The following PCDH15 variants were observed in gnomAD, a reference collection of about 807,000 sequenced individuals.
PCDH15 encodes the protein protocadherin-15.
A neutral mutation model predicts 178.5 loss-of-function variants in PCDH15; 129 were observed. The observed-to-expected ratio is 0.72, with a 90% CI of 0.63 to 0.84. PCDH15 has a LOEUF of 0.84. Among genes scored for constraint, PCDH15 ranks in the 40% least tolerant of loss-of-function variants. The pLI, the probability that PCDH15 is intolerant of heterozygous loss-of-function variation, is 0.00. For missense variants in PCDH15, 2,230 were observed against 2,099.9 expected (o/e 1.06, Z -1.21); for synonymous variants, 800 against 732.0 (o/e 1.09, Z -1.50).
intron 2 of PCDH15, among the ~76,000 whole-genome samples, chr10:54,903,102 A>G (rs907925873): frequency 6.6e-6 from 1 of 152,164 alleles, no homozygotes; most frequent in African/African-American, 2.4e-5. Flanking sequence ...CTTTACTCAA[A>G]TGCAGAAAAG....
At chr10:54,873,546 G>A (rs1462517285) in intron 3 of PCDH15, among the ~76,000 whole-genome samples, 1 of 110,212 alleles carries the variant, frequency 9.1e-6, no homozygotes, top group Non-Finnish European at 1.8e-5. Flanking sequence ...ATATATGTAT[G>A]TGTATACATA....
intron 2 of PCDH15, among the ~76,000 whole-genome samples, chr10:54,949,865 C>T (rs1415631758): frequency 1.3e-5 from 2 of 151,926 alleles, no homozygotes; most frequent in Non-Finnish European, 2.9e-5. Context: ...CCAACAAATT[C>T]CTCATCTCTA....
At chr10:54,873,055 A>G (rs758819280) in intron 3 of PCDH15, among the ~76,000 whole-genome samples, 15 of 152,162 alleles carry the variant, frequency 9.9e-5, no homozygotes, top group Non-Finnish European at 1.9e-4. Flanking sequence ...GACGAATTCC[A>G]TAAGTTACAC....
chr10:55,212,075 A>G (rs1470074837), intron 1 of PCDH15, among the ~76,000 whole-genome samples: 1 of 152,106 alleles, frequency 6.6e-6, no homozygotes, highest in Non-Finnish European at 1.5e-5. Context: ...CATATCCAAC[A>G]TGGAGGCTCC....
chr10:54,693,919 A>T (rs1443003904), intron 1 of PCDH15, among the ~76,000 whole-genome samples: 2 of 152,136 alleles, frequency 1.3e-5, no homozygotes, highest in Non-Finnish European at 2.9e-5. Context: ...AAAATAGTGT[A>T]GTTCTTTTTT....
rs538349268 is a variant in PCDH15 at position 53,829,661 on chromosome 10, T to C, written c.4203-1088A>G. On this transcript the variant is annotated intron_variant, in intron 30 of 37. Coordinates refer to ENST00000644397, the MANE Select transcript of PCDH15 (RefSeq NM_001384140.1). ...AGCTCCAGTATATCAACCTTAATGCTGTATTTGCAACTTCACATTGCTTTT... is the reference window on the plus strand; with the variant it reads ...AGCTCCAGTATATCAACCTTAATGCCGTATTTGCAACTTCACATTGCTTTT... Among the ~76,000 whole-genome samples, 87 of 152,312 alleles carry C rather than the reference T, an allele frequency of 5.7e-4. 3 individuals carry two copies. The South Asian group carries it at 0.016, about 29-fold the overall frequency.
chr10:54,664,428 A>G (rs773408236), intron 1 of PCDH15, 138 bp from the exon 2 acceptor site: 17 of 650,632 alleles, frequency 2.6e-5, no homozygotes, highest in Non-Finnish European at 4.1e-5. Context: ...TAACAAAGTA[A>G]CACACTGGTT....
At chr10:55,135,849 G>T (rs1197703583) in intron 2 of PCDH15, among the ~76,000 whole-genome samples, 1 of 151,992 alleles carries the variant, frequency 6.6e-6, no homozygotes, top group Non-Finnish European at 1.5e-5. Context: ...CTCCCAAAGT[G>T]CTGGGATTAC....
At chr10:54,653,190 C>T (rs557587917) in intron 2 of PCDH15, among the ~76,000 whole-genome samples, 1 of 152,234 alleles carries the variant, frequency 6.6e-6, no homozygotes, top group Admixed American at 6.5e-5. Context: ...GCTCATTCAT[C>T]TAACACGGTT....
chr10:54,730,782 C>T (rs1050836072), intron 1 of PCDH15, among the ~76,000 whole-genome samples: 3 of 151,298 alleles, frequency 2.0e-5, no homozygotes, highest in African/African-American at 7.3e-5. Flanking sequence ...TAAATTTAAA[C>T]CTGAAACTAT....
intron 24 of PCDH15, 44 bp downstream of exon 24, chr10:53,940,822 G>C (rs1191857496): frequency 1.4e-6 from 2 of 1,387,796 alleles, no homozygotes; most frequent in Non-Finnish European, 2.1e-6. Context: ...CCAAATCTAA[G>C]TTTACTGGTT....
chr10:54,440,639 A>G (rs114826789), intron 3 of PCDH15, among the ~76,000 whole-genome samples: 2,456 of 152,044 alleles, frequency 0.016, 86 homozygotes, highest in African/African-American at 0.056. Context: ...AAATTATTTT[A>G]TATAGGTTGT....
intron 18 of PCDH15, among the ~76,000 whole-genome samples, chr10:54,062,300 T>C (rs572084785): frequency 1.5e-4 from 22 of 145,522 alleles, no homozygotes; most frequent in Middle Eastern, 4.0e-3. Flanking sequence ...AATTCAAATA[T>C]TGGATTATTC....
At chr10:54,434,690 G>A (rs1225454539) in intron 3 of PCDH15, among the ~76,000 whole-genome samples, 1 of 152,104 alleles carries the variant, frequency 6.6e-6, no homozygotes, top group Non-Finnish European at 1.5e-5. Flanking sequence ...ATCAATCAAG[G>A]CATGACTGTA....
At chr10:54,582,980 A>G (rs982625301) in intron 2 of PCDH15, among the ~76,000 whole-genome samples, 16 of 152,118 alleles carry the variant, frequency 1.1e-4, no homozygotes, top group African/African-American at 3.6e-4. Flanking sequence ...ATAAAGATAC[A>G]CATATTTCAG....
At chr10:55,401,008 C>T (rs937153490) in intron 2 of PCDH15, among the ~76,000 whole-genome samples, 3 of 152,002 alleles carry the variant, frequency 2.0e-5, no homozygotes, top group Admixed American at 6.6e-5. Context: ...AAAAATCAAG[C>T]CCATTTTATA....
At chr10:54,736,748 C>T (rs889600078) in intron 1 of PCDH15, among the ~76,000 whole-genome samples, 1 of 151,848 alleles carries the variant, frequency 6.6e-6, no homozygotes, top group Non-Finnish European at 1.5e-5. Flanking sequence ...TGAGAAAGAA[C>T]TTTAGGCGAA....
chr10:55,326,201 G>A (rs895436673), intron 2 of PCDH15, among the ~76,000 whole-genome samples: 3 of 152,106 alleles, frequency 2.0e-5, no homozygotes, highest in Admixed American at 6.6e-5. Flanking sequence ...TCAAAGCAAA[G>A]TTACCATTTA....
chr10:55,352,211 T>C (rs11814370), intron 2 of PCDH15, among the ~76,000 whole-genome samples: 83,539 of 152,012 alleles, frequency 0.55, 23,500 homozygotes, highest in African/African-American at 0.65. Flanking sequence ...CTTTAATATG[T>C]GTTTATCACT....
Sources: gnomAD v4.1 joint callset for allele counts (sites outside exome capture counted in the v4.1 genomes callset) on GRCh38, gnomAD v4.1.1 for gene constraint, MANE v1.5 for transcripts, NCBI Gene and HGNC (gene_info 2026-07-23, HGNC 2026-07-21) for gene names.